EIF3F: variants seen among roughly 807,000 people sequenced by gnomAD.
EIF3F encodes eukaryotic translation initiation factor 3 subunit F, also known as deubiquitinating enzyme eIF3f.
In EIF3F, 8 loss-of-function variants were observed where a neutral mutation model predicts 36.0. The ratio of observed to expected loss-of-function variants is 0.22; its 90% confidence interval spans 0.13 to 0.40. The LOEUF (loss-of-function observed/expected upper bound fraction) is 0.40, where lower values mean the gene tolerates loss of function less well. Among genes scored for constraint, EIF3F ranks in the 10% least tolerant of loss-of-function variants. EIF3F has a pLI of 1.00. For synonymous variants in EIF3F, 184 were observed against 188.5 expected (o/e 0.98, Z 0.19); for missense variants, 430 against 467.6 (o/e 0.92, Z 0.74).
At chr11:7,992,235 A>C in intron 3 of EIF3F, 72 bp downstream of exon 3, 1 of 1,302,086 alleles carries the variant, frequency 7.7e-7, no homozygotes. Flanking sequence ...TTGCTACTGG[A>C]CTGGATCTTA....
Position 8,001,592 on chromosome 11 carries a change from G to C in EIF3F, c.*5570G>C, listed in dbSNP as rs1021203169. ...TCCTCTATATATCAATATGGATAAAGAGTAAGTGAAAAAAGCCAGGAGAGA... is the reference window on the plus strand; with the variant it reads ...TCCTCTATATATCAATATGGATAAACAGTAAGTGAAAAAAGCCAGGAGAGA... On this transcript the variant is annotated 3_prime_UTR_variant, in exon 8 of 8. Coordinates refer to ENST00000651655, the MANE Select transcript of EIF3F (RefSeq NM_003754.3). 1.3e-5 allele frequency: 2 copies of C among 152,146 alleles called. No homozygotes were observed. The highest frequency in any genetic ancestry group is 2.9e-5 in the Non-Finnish European group (2 of 68,028). 9.4% of individuals were successfully genotyped at this position (152,146 alleles called of 1,614,324 possible). A position where few individuals can be genotyped will look rare whatever the true frequency, so the allele number is the denominator to read the frequency against.
At chr11:7,992,203 T>C in intron 3 of EIF3F, 40 bp downstream of exon 3, 1 of 1,527,702 alleles carries the variant, frequency 6.5e-7, no homozygotes, top group South Asian at 1.1e-5. Context: ...ATGGAAGGTC[T>C]CTTCGTGATT....
Position 7,994,458 on chromosome 11 carries a change from GAGTGATGTTCACGCCTCTGAC to G in EIF3F, c.692_712del (p.Met231_Val237del). 1 of 1,614,078 alleles carries G rather than the reference GAGTGATGTTCACGCCTCTGAC, an allele frequency of 6.2e-7. No individual in the cohort carries two copies. The highest frequency in any genetic ancestry group is 8.5e-7 in the Non-Finnish European group (1 of 1,179,992). On this transcript the variant is annotated inframe_deletion, in exon 5 of 8. Coordinates refer to ENST00000651655, the MANE Select transcript of EIF3F (RefSeq NM_003754.3). ...ATGGGAGTCCCTGGGAGGACCATGGGAGTGATGTTCACGCCTCTGACAGTGAAATACGCGTACTACGACACT... is the reference window on the plus strand; with the variant it reads ...ATGGGAGTCCCTGGGAGGACCATGGGAGTGAAATACGCGTACTACGACACT...
chr11:7,989,568 G>C (rs928530403), intron 1 of EIF3F, among the ~76,000 whole-genome samples: 16 of 152,094 alleles, frequency 1.1e-4, no homozygotes, highest in African/African-American at 3.9e-4. Context: ...AAACTGTTAA[G>C]GTATTTAGAA....
intron 5 of EIF3F, 156 bp from the exon 6 acceptor site, chr11:7,994,826 C>A: frequency 9.2e-7 from 1 of 1,087,514 alleles, no homozygotes; most frequent in Non-Finnish European, 1.3e-6. Flanking sequence ...CTGATAAGGG[C>A]ACAGCAGGAA....
intron 4 of EIF3F, among the ~76,000 whole-genome samples, chr11:7,994,096 A>G (rs1464311649): frequency 6.6e-6 from 1 of 152,092 alleles, no homozygotes. Context: ...TCTCCTTTCC[A>G]TGGTAGGTAG....
intron 5 of EIF3F, 125 bp from the exon 6 acceptor site, chr11:7,994,857 T>C (rs765449957): frequency 7.2e-7 from 1 of 1,391,302 alleles, no homozygotes; most frequent in Non-Finnish European, 9.9e-7. Flanking sequence ...GCAGACTGAG[T>C]CTAAGGGGAG....
At chr11:7,995,752 G>A (rs529650610) in intron 7 of EIF3F, 193 bp from the exon 8 acceptor site, 25 of 659,610 alleles carry the variant, frequency 3.8e-5, no homozygotes, top group South Asian at 3.8e-4. Context: ...AAGTGTATCA[G>A]TAGAGATAAG....
At position 7,998,214 on chromosome 11, in the gene EIF3F, A is replaced by G. The variant is rs1589908320; in HGVS notation, c.*2192A>G. On this transcript the variant is annotated 3_prime_UTR_variant, in exon 8 of 8. Transcript: ENST00000651655. ...AAGGGAAATACAGGGTTGGGTTCCT[A>G]TGAACCTCTGGGCACAGTTTCATCA... The G allele has an allele frequency of 6.6e-6, 1 of 152,234 alleles. No homozygotes were observed. The allele number at this position is 152,234 out of a possible 1,614,324, so 9.4% of individuals were successfully genotyped here.
At position 7,998,495 on chromosome 11, in the gene EIF3F, T is replaced by G. The variant is rs574962799; in HGVS notation, c.*2473T>G. Reference sequence around the variant, plus strand: ...AAATAGACTGAAAAGGATACTTGTTTATAAGAACTGAAACAAGAAGGCCTT... The same window carrying G: ...AAATAGACTGAAAAGGATACTTGTTGATAAGAACTGAAACAAGAAGGCCTT... On this transcript the variant is annotated 3_prime_UTR_variant, in exon 8 of 8. Coordinates refer to ENST00000651655, the MANE Select transcript of EIF3F (RefSeq NM_003754.3). The G allele has an allele frequency of 1.8e-4, 28 of 152,276 alleles. No individual in the cohort carries two copies. The highest frequency in any genetic ancestry group is 6.7e-4 in the African/African-American group (28 of 41,566). 9.4% of individuals were successfully genotyped at this position (152,276 alleles called of 1,614,324 possible). A position where few individuals can be genotyped will look rare whatever the true frequency, so the allele number is the denominator to read the frequency against.
chr11:7,995,653 T>G (rs1220460523), intron 7 of EIF3F: 1 of 582,230 alleles, frequency 1.7e-6, no homozygotes, highest in East Asian at 2.8e-5. Context: ...CAGAGGTTAA[T>G]GAAAATGCAA....
chr11:7,991,638 T>G, intron 1 of EIF3F, 143 bp from the exon 2 acceptor site: 1 of 787,046 alleles, frequency 1.3e-6, no homozygotes, highest in Middle Eastern at 2.4e-4. Flanking sequence ...GTCCCATCGA[T>G]GCACCGGACT....
chr11:7,990,411 T>TA (rs147398003), intron 1 of EIF3F, among the ~76,000 whole-genome samples: 5 of 152,148 alleles, frequency 3.3e-5, no homozygotes, highest in Non-Finnish European at 5.9e-5. Flanking sequence ...AAAGCAGCCA[T>TA]AAAAAAATTG....
intron 3 of EIF3F, chr11:7,992,593 A>G (rs1278148669): frequency 1.5e-5 from 7 of 464,304 alleles, no homozygotes; most frequent in Non-Finnish European, 2.3e-5. Flanking sequence ...ACAAAAGGAA[A>G]GTGTGTTACC....
rs557220506 is a variant in EIF3F, at chr11:7,997,620, A to G, written c.*1598A>G. On this transcript the variant is annotated 3_prime_UTR_variant, in exon 8 of 8. Transcript: ENST00000651655. ...GTTTACAGGAGACACATCTAAAACA[A>G]GGACATAAAGTTGTCCTGCAGCTGT... The G allele has an allele frequency of 2.2e-4, 33 of 152,362 alleles. No individual in the cohort carries two copies. The highest frequency in any genetic ancestry group is 7.9e-4 in the African/African-American group (33 of 41,590). The allele number at this position is 152,362 out of a possible 1,614,324, so 9.4% of individuals were successfully genotyped here.
At chr11:7,994,669 T>C in intron 5 of EIF3F, 152 bp downstream of exon 5, 2 of 756,572 alleles carry the variant, frequency 2.6e-6, no homozygotes, top group Non-Finnish European at 4.3e-6. Context: ...TCATCTCTTG[T>C]ATAAATGGGA....
Position 8,001,570 on chromosome 11 carries a change from T to G in EIF3F, c.*5548T>G, listed in dbSNP as rs1036640667. ...GCTGTTAAGCAGAATGAGACAGTCCTCTATATATCAATATGGATAAAGAGT... is the reference window on the plus strand; with the variant it reads ...GCTGTTAAGCAGAATGAGACAGTCCGCTATATATCAATATGGATAAAGAGT... On this transcript the variant is annotated 3_prime_UTR_variant, in exon 8 of 8. Coordinates refer to ENST00000651655, the MANE Select transcript of EIF3F (RefSeq NM_003754.3). The G allele has an allele frequency of 6.6e-6, 1 of 152,196 alleles. No homozygotes were observed. Among genetic ancestry groups the G allele is most frequent in the Middle Eastern group, 3.2e-3 (1 of 316 alleles). The allele number at this position is 152,196 out of a possible 1,614,324, so 9.4% of individuals were successfully genotyped here.
Position 7,994,529 on chromosome 11 carries a change from T to C in EIF3F, c.745+12T>C, listed in dbSNP as rs750576391. ...TGAACGCATCGGAGGTGAGTAACCT[T>C]TCCATACACTCGCGAGAGGCCATAG... On this transcript the variant is annotated intron_variant, in intron 5 of 7. Transcript: ENST00000651655. The C allele has an allele frequency of 6.2e-7, 1 of 1,611,184 alleles. No individual in the cohort carries two copies. Among genetic ancestry groups the C allele is most frequent in the Non-Finnish European group, 8.5e-7 (1 of 1,178,462 alleles).
intron 5 of EIF3F, 150 bp downstream of exon 5, chr11:7,994,667 T>C (rs2133673900): frequency 1.3e-6 from 1 of 760,024 alleles, no homozygotes; most frequent in South Asian, 1.9e-5. Flanking sequence ...AGTCATCTCT[T>C]GTATAAATGG....
Sources: allele counts gnomAD v4.1 joint callset (sites outside exome capture counted in the v4.1 genomes callset), GRCh38; gene constraint gnomAD v4.1.1; transcripts MANE v1.5; gene names NCBI Gene and HGNC (gene_info 2026-07-23, HGNC 2026-07-21).